IL36B: variants seen among roughly 807,000 people sequenced by gnomAD.
IL36B encodes the protein interleukin-36 beta.
Under a neutral mutation model 19.3 loss-of-function variants are expected in IL36B, and 23 were observed. That is an observed-to-expected ratio of 1.19 (90% CI 0.86 to 1.69). IL36B has a LOEUF of 1.69. Ranked by LOEUF, IL36B falls within the 40% of genes most tolerant of loss-of-function variation. The probability of loss-of-function intolerance (pLI) is 0.00; values close to 1 mark genes in which losing one functional copy is unlikely to be tolerated. For synonymous variants in IL36B, 59 were observed against 59.7 expected, an observed-to-expected ratio of 0.99 and a Z score of 0.05; for missense variants, 217 against 200.5, an observed-to-expected ratio of 1.08 and a Z score of -0.50.
chr2:113,037,361 C>T (rs1196696558), intron 1 of IL36B, among the ~76,000 whole-genome samples: 3 of 152,060 alleles, frequency 2.0e-5, no homozygotes. Flanking sequence ...TTAGAAAATC[C>T]AATTGAGGCT....
intron 1 of IL36B, among the ~76,000 whole-genome samples, 155 bp downstream of exon 1, chr2:113,052,662 C>T (rs751010436): frequency 1.3e-5 from 2 of 152,250 alleles, no homozygotes; most frequent in Non-Finnish European, 2.9e-5. Context: ...ATTCTGCACT[C>T]ATTACGCCAG....
chr2:113,032,380 T>G (rs1685092178), intron 1 of IL36B, among the ~76,000 whole-genome samples: 1 of 152,158 alleles, frequency 6.6e-6, no homozygotes, highest in Admixed American at 6.6e-5. Context: ...CCTCTGGTTT[T>G]CTAGTTAGGG....
intron 3 of IL36B, among the ~76,000 whole-genome samples, chr2:113,030,002 G>C (rs995322302): frequency 9.2e-5 from 14 of 152,204 alleles, no homozygotes; most frequent in African/African-American, 3.4e-4. Flanking sequence ...GGAGGCTGAG[G>C]TGGGCGGATC....
In IL36B at chr2:113,045,367, G is replaced by A. The variant is rs552111660; in HGVS notation, c.-58+7450C>T. On this transcript the variant is annotated intron_variant, in intron 1 of 5. Transcript: ENST00000259213. ...TTCTTTTTATGTATTTGTATGCATT[G>A]TGTCCTTTTTCCTCCAGCTACTTTT... is the stretch of plus-strand genomic sequence containing the variant. Among the ~76,000 whole-genome samples, 4 of 152,102 alleles carry A rather than the reference G, an allele frequency of 2.6e-5. No individual in the cohort carries two copies. The South Asian group carries it at 8.3e-4, about 32-fold the overall frequency.
At position 113,029,025 on chromosome 2, in the gene IL36B, C is replaced by T; in HGVS notation, c.175G>A (p.Gly59Ser). ...TTGATTCCCAGGTAAACCATATTAC[C>T]CTTTTCCTTGTCACTGAATTCTGTG... is the stretch of plus-strand genomic sequence containing the variant. The change falls in exon 4 of 6, where the codon GGT becomes AGT. Residue 59 changes from glycine (G) to serine (S), a missense_variant. Transcript: ENST00000259213. 1.9e-6 allele frequency: 3 copies of T among 1,613,822 alleles called. No individual in the cohort carries two copies. The highest frequency in any genetic ancestry group is 2.2e-5 in the East Asian group (1 of 44,886).
At chr2:113,051,402 C>T (rs569681334) in intron 1 of IL36B, among the ~76,000 whole-genome samples, 1 of 152,350 alleles carries the variant, frequency 6.6e-6, no homozygotes, top group African/African-American at 2.4e-5. Flanking sequence ...GTGGGTGTGA[C>T]ACACACCGGA....
At chr2:113,050,441 C>T (rs1158448773) in intron 1 of IL36B, among the ~76,000 whole-genome samples, 1 of 151,892 alleles carries the variant, frequency 6.6e-6, no homozygotes, top group Non-Finnish European at 1.5e-5. Flanking sequence ...TGCCAGGGGC[C>T]GCTGGGGAGA....
chr2:113,037,526 G>T (rs942118403), intron 1 of IL36B, among the ~76,000 whole-genome samples: 4 of 152,118 alleles, frequency 2.6e-5, no homozygotes, highest in Non-Finnish European at 5.9e-5. Context: ...GCACATGCTT[G>T]TAGTCCCAGC....
At chr2:113,048,793 A>T (rs1685392041) in intron 1 of IL36B, among the ~76,000 whole-genome samples, 1 of 152,186 alleles carries the variant, frequency 6.6e-6, no homozygotes, top group African/African-American at 2.4e-5. Context: ...ATACTTTAGA[A>T]GGGTAATAAG....
At chr2:113,034,983 C>G (rs1327343698) in intron 1 of IL36B, among the ~76,000 whole-genome samples, 1 of 152,228 alleles carries the variant, frequency 6.6e-6, no homozygotes, top group Admixed American at 6.5e-5. Context: ...AGACAAGGCT[C>G]TAACCTTCCC....
At chr2:113,024,340 C>A (rs1684914849) in intron 5 of IL36B, among the ~76,000 whole-genome samples, 1 of 152,100 alleles carries the variant, frequency 6.6e-6, no homozygotes, top group African/African-American at 2.4e-5. Flanking sequence ...TAACACTGTG[C>A]TCTTTCTCCA....
chr2:113,046,110 C>T (rs770469085), intron 1 of IL36B, among the ~76,000 whole-genome samples: 3 of 151,964 alleles, frequency 2.0e-5, no homozygotes, highest in Non-Finnish European at 4.4e-5. Context: ...TGTGTATTAA[C>T]ATTTTACATT....
At chr2:113,048,056 C>T (rs1251167937) in intron 1 of IL36B, among the ~76,000 whole-genome samples, 4 of 152,128 alleles carry the variant, frequency 2.6e-5, no homozygotes, top group African/African-American at 9.7e-5. Context: ...AGGTAAAAGA[C>T]TGAGATCGTC....
chr2:113,026,461 T>C (rs1230939925), intron 4 of IL36B, among the ~76,000 whole-genome samples: 3 of 152,164 alleles, frequency 2.0e-5, no homozygotes, highest in Non-Finnish European at 4.4e-5. Flanking sequence ...AACTTAGCAG[T>C]GGGTACCCAT....
intron 1 of IL36B, 66 bp from the exon 2 acceptor site, chr2:113,031,832 C>G (rs1310597368): frequency 5.1e-6 from 4 of 783,952 alleles, no homozygotes; most frequent in Admixed American, 2.1e-5. Context: ...CTCCTCTCCC[C>G]CTAAAATTTT....
At chr2:113,033,878 C>A (rs550515275) in intron 1 of IL36B, among the ~76,000 whole-genome samples, 2 of 152,160 alleles carry the variant, frequency 1.3e-5, no homozygotes, top group African/African-American at 2.4e-5. Flanking sequence ...GAAAGAAAAT[C>A]ATTACTCTTG....
In IL36B at chr2:113,030,534, G is replaced by A. The variant is rs1474761769; in HGVS notation, c.121+514C>T. Among the ~76,000 whole-genome samples the A allele has an allele frequency of 2.6e-5, 4 of 152,208 alleles. No individual in the cohort carries two copies. The East Asian group carries it at 5.8e-4, about 22-fold the overall frequency. ...GTCTGACAATGATAGAAAGGGTCCA[G>A]TAAACAAAGGTGGAATTTGCAGGGA... On this transcript the variant is annotated intron_variant, in intron 3 of 5. Transcript: ENST00000259213.
At chr2:113,033,160 G>A (rs1685109827) in intron 1 of IL36B, among the ~76,000 whole-genome samples, 1 of 152,208 alleles carries the variant, frequency 6.6e-6, no homozygotes, top group Admixed American at 6.5e-5. Context: ...TACAAATATT[G>A]AGAGCTTATT....
At chr2:113,042,059 C>G (rs1004639072) in intron 1 of IL36B, among the ~76,000 whole-genome samples, 2 of 152,144 alleles carry the variant, frequency 1.3e-5, no homozygotes, top group African/African-American at 4.8e-5. Context: ...AGGACTTCAC[C>G]TCATAAGGAC....
Sources: gnomAD v4.1 joint callset for allele counts (sites outside exome capture counted in the v4.1 genomes callset) on GRCh38, gnomAD v4.1.1 for gene constraint, MANE v1.5 for transcripts, NCBI Gene and HGNC (gene_info 2026-07-23, HGNC 2026-07-21) for gene names.